The following CEP41 variants were observed in gnomAD, a reference collection of about 807,000 sequenced individuals.
CEP41 encodes the protein centrosomal protein 41.
A neutral mutation model predicts 44.3 loss-of-function variants in CEP41; 32 were observed. The observed-to-expected ratio is 0.72, with a 90% CI of 0.54 to 0.97. The LOEUF is 0.97. Ranked by LOEUF, CEP41 falls within the 50% of genes least tolerant of loss-of-function variation. The pLI, the probability that CEP41 is intolerant of heterozygous loss-of-function variation, is 0.00. For missense variants in CEP41, 432 were observed against 455.2 expected (o/e 0.95, Z 0.46); for synonymous variants, 151 against 168.5 (o/e 0.90, Z 0.80).
chr7:130,413,211 G>A (rs1370445570), intron 3 of CEP41, among the ~76,000 whole-genome samples: 2 of 151,926 alleles, frequency 1.3e-5, no homozygotes, highest in East Asian at 1.9e-4. Context: ...GGCTGGTTTC[G>A]AGCTCCTGGC....
At position 130,394,587 on chromosome 7, in the gene CEP41, G is replaced by A; in HGVS notation, c.*4304C>T. On this transcript the variant is annotated 3_prime_UTR_variant, in exon 11 of 11. Coordinates refer to ENST00000223208, the MANE Select transcript of CEP41 (RefSeq NM_018718.3). ...AGCAGCTCTCTGGGTACTTCCTGTAGAGGGAGATCTAAAAACCTCAGGGTT... is the reference window on the plus strand; with the variant it reads ...AGCAGCTCTCTGGGTACTTCCTGTAAAGGGAGATCTAAAAACCTCAGGGTT... 2.2e-6 allele frequency: 1 copy of A among 453,876 alleles called. No homozygotes were observed. The highest frequency in any genetic ancestry group is 1.6e-5 in the South Asian group (1 of 64,460). 28.1% of individuals were successfully genotyped at this position (453,876 alleles called of 1,614,324 possible). A position where few individuals can be genotyped will look rare whatever the true frequency, so the allele number is the denominator to read the frequency against.
At chr7:130,437,308 C>T (rs1214089367) in intron 1 of CEP41, among the ~76,000 whole-genome samples, 1 of 151,826 alleles carries the variant, frequency 6.6e-6, no homozygotes, top group African/African-American at 2.4e-5. Flanking sequence ...ACATAAATTT[C>T]TGGTGCCTAT....
At chr7:130,425,544 T>C (rs1185428349) in intron 2 of CEP41, among the ~76,000 whole-genome samples, 2 of 152,208 alleles carry the variant, frequency 1.3e-5, no homozygotes, top group Non-Finnish European at 2.9e-5. Flanking sequence ...CATTCATCCA[T>C]TGCTGGTGGG....
intron 1 of CEP41, among the ~76,000 whole-genome samples, chr7:130,434,923 A>G (rs1264930433): frequency 6.6e-6 from 1 of 152,116 alleles, no homozygotes; most frequent in East Asian, 1.9e-4. Flanking sequence ...CTGAGGTCTT[A>G]CAGAACTAGC....
intron 5 of CEP41, among the ~76,000 whole-genome samples, chr7:130,410,339 C>A (rs1224073899): frequency 6.6e-6 from 1 of 152,056 alleles, no homozygotes; most frequent in East Asian, 1.9e-4. Flanking sequence ...CCGTGCCTGG[C>A]CGCCTACCTT....
chr7:130,419,769 T>G lies in CEP41; in HGVS notation c.98-2803A>C, dbSNP rs1318912913. On this transcript the variant is annotated intron_variant, in intron 2 of 10. Coordinates refer to ENST00000223208, the MANE Select transcript of CEP41 (RefSeq NM_018718.3). ...CTTAATTACTTAACTTGACAAACTC[T>G]TAGTCTTGCATTCTCTAACGTATCA... 5.1e-6 allele frequency: 5 copies of G among 985,380 alleles called. No homozygotes were observed. In the East Asian group the frequency reaches 4.5e-4, roughly 89 times the overall value. The allele number at this position is 985,380 out of a possible 1,614,324, so 61.0% of individuals were successfully genotyped here. A position where few individuals can be genotyped will look rare whatever the true frequency, so the allele number is the denominator to read the frequency against.
At position 130,398,732 on chromosome 7, in the gene CEP41, G is replaced by C. The variant is rs1562975628; in HGVS notation, c.*159C>G. On this transcript the variant is annotated 3_prime_UTR_variant, in exon 11 of 11. Coordinates refer to ENST00000223208, the MANE Select transcript of CEP41 (RefSeq NM_018718.3). ...AATCCTTCCTGAGGTGGCCTCCTGA[G>C]GGGAGAGGAACTGGAGACAGGGACA... is the stretch of plus-strand genomic sequence containing the variant. 1 of 916,180 alleles carries C rather than the reference G, an allele frequency of 1.1e-6. No homozygotes were observed. Among genetic ancestry groups the C allele is most frequent in the Admixed American group, 1.7e-5 (1 of 59,052 alleles). The allele number at this position is 916,180 out of a possible 1,614,324, so 56.8% of individuals were successfully genotyped here.
chr7:130,418,692 A>G (rs1319806756), intron 2 of CEP41, among the ~76,000 whole-genome samples: 1 of 152,096 alleles, frequency 6.6e-6, no homozygotes, highest in African/African-American at 2.4e-5. Context: ...CGCATTTCCA[A>G]CCTCCTGAAA....
upstream of CEP41, among the ~76,000 whole-genome samples, chr7:130,441,474 G>A (rs185335355): frequency 4.8e-4 from 73 of 152,332 alleles, no homozygotes; most frequent in Non-Finnish European, 7.4e-4. Flanking sequence ...AGCAGAAATG[G>A]GAGAGTATGG....
chr7:130,437,310 G>C (rs568826584), intron 1 of CEP41, among the ~76,000 whole-genome samples: 9 of 152,074 alleles, frequency 5.9e-5, no homozygotes, highest in African/African-American at 2.2e-4. Flanking sequence ...ATAAATTTCT[G>C]GTGCCTATCA....
At chr7:130,412,680 G>T (rs1355187929) in intron 3 of CEP41, among the ~76,000 whole-genome samples, 1 of 152,176 alleles carries the variant, frequency 6.6e-6, no homozygotes, top group East Asian at 1.9e-4. Flanking sequence ...CAAACAGCTG[G>T]TGAGACGTTC....
At chr7:130,405,554 A>G (rs2117578620) in intron 5 of CEP41, among the ~76,000 whole-genome samples, 1 of 152,286 alleles carries the variant, frequency 6.6e-6, no homozygotes, top group African/African-American at 2.4e-5. Flanking sequence ...TTTTGGTAAG[A>G]TAGATAGTGA....
chr7:130,437,764 C>CAAAAAAAAAAAAAAAAAAAA (rs1171735164), intron 1 of CEP41, among the ~76,000 whole-genome samples: 5 of 32,402 alleles, frequency 1.5e-4, no homozygotes, highest in East Asian at 1.1e-3. Context: ...AAGACTGTCT[C>CAAAAAAAAAAAAAAAAAAAA]AAAAAAAAAA....
chr7:130,407,267 C>G (rs1415501250), intron 5 of CEP41, among the ~76,000 whole-genome samples: 2 of 150,802 alleles, frequency 1.3e-5, no homozygotes, highest in Non-Finnish European at 3.0e-5. Flanking sequence ...CACACACACA[C>G]ACACACACAC....
At chr7:130,441,530 A>G (rs915532412), upstream of CEP41, among the ~76,000 whole-genome samples, 40 of 152,346 alleles carry the variant, frequency 2.6e-4, no homozygotes, top group African/African-American at 9.4e-4. Flanking sequence ...TGCAAAATAC[A>G]TGGGTAAATA....
chr7:130,394,316 T>C lies in CEP41; in HGVS notation c.*4575A>G, dbSNP rs782536937. ...CTACCCGAACCTCAGTCTCCTCATC[T>C]GAAAATGGGGGTGCCTGCCTCATCA... On this transcript the variant is annotated 3_prime_UTR_variant, in exon 11 of 11. Coordinates refer to ENST00000223208, the MANE Select transcript of CEP41 (RefSeq NM_018718.3). The C allele has an allele frequency of 2.6e-5, 12 of 453,984 alleles. No homozygotes were observed. Among genetic ancestry groups the C allele is most frequent in the Non-Finnish European group, 4.8e-5 (11 of 226,808 alleles). The allele number at this position is 453,984 out of a possible 1,614,324, so 28.1% of individuals were successfully genotyped here.
chr7:130,439,169 C>T (rs1798064435), intron 1 of CEP41, among the ~76,000 whole-genome samples: 1 of 152,216 alleles, frequency 6.6e-6, no homozygotes, highest in Non-Finnish European at 1.5e-5. Context: ...TATGATGATA[C>T]ACTGCCACTT....
At position 130,413,859 on chromosome 7, in the gene CEP41, C is replaced by T. The variant is rs77324169; in HGVS notation, c.146-1619G>A. On this transcript the variant is annotated intron_variant, in intron 3 of 10. Transcript: ENST00000223208. ...CTGCCCGCCCTCATGCTTTCCTCCT[C>T]ACCTAGGTTTTTATATTGGTACCCA... 9.3e-4 allele frequency among the ~76,000 whole-genome samples: 141 copies of T among 152,302 alleles called. 1 individual carries two copies. The East Asian group carries it at 0.023, about 24-fold the overall frequency.
intron 1 of CEP41, among the ~76,000 whole-genome samples, chr7:130,434,646 C>T (rs1389989600): frequency 6.6e-6 from 1 of 152,172 alleles, no homozygotes; most frequent in Admixed American, 6.5e-5. Context: ...TATTTATCAA[C>T]ATAGATGGAT....
Sources: allele counts gnomAD v4.1 joint callset (sites outside exome capture counted in the v4.1 genomes callset), GRCh38; gene constraint gnomAD v4.1.1; transcripts MANE v1.5; gene names NCBI Gene and HGNC (gene_info 2026-07-23, HGNC 2026-07-21).